The following LTV1 variants were observed in gnomAD, a reference collection of about 807,000 sequenced individuals.
LTV1 encodes the protein LTV1 ribosome biogenesis factor, also known as protein LTV1 homolog.
LTV1 carries 39 observed loss-of-function variants against 59.9 expected under a neutral mutation model. That is an observed-to-expected ratio of 0.65 (90% CI 0.50 to 0.85). The LOEUF (loss-of-function observed/expected upper bound fraction) is 0.85. LTV1 is among the 40% of genes least tolerant of loss of function. The probability of loss-of-function intolerance (pLI) is 0.00; values close to 1 mark genes in which losing one functional copy is unlikely to be tolerated. For missense variants in LTV1, 493 were observed against 549.1 expected (o/e 0.90, Z 1.02); for synonymous variants, 171 against 189.5 (o/e 0.90, Z 0.80).
In LTV1 at chr6:143,862,798, A is replaced by G. The variant is rs1777188573; in HGVS notation, c.1064-46A>G. Reference sequence around the variant, plus strand: ...TAGGAATTCAGTAATGCTTTGTGGAACTGAAAACATGCTTACTGATACATG... The same window carrying G: ...TAGGAATTCAGTAATGCTTTGTGGAGCTGAAAACATGCTTACTGATACATG... On this transcript the variant is annotated intron_variant, in intron 8 of 10. Transcript: ENST00000367576. This position sits in a 1 kb window ranked among gnomAD's most constrained non-coding sequence, Gnocchi z 4.2. 8.4e-7 allele frequency: 1 copy of G among 1,187,930 alleles called. No homozygotes were observed. The highest frequency in any genetic ancestry group is 1.5e-5 in the African/African-American group (1 of 66,428). 73.6% of individuals were successfully genotyped at this position (1,187,930 alleles called of 1,614,324 possible).
At position 143,862,749 on chromosome 6, in the gene LTV1, GAA is replaced by G; in HGVS notation, c.1064-92_1064-91del. 1 of 810,990 alleles carries G rather than the reference GAA, an allele frequency of 1.2e-6. No individual in the cohort carries two copies. The highest frequency in any genetic ancestry group is 1.4e-5 in the South Asian group (1 of 69,178). The allele number at this position is 810,990 out of a possible 1,614,324, so 50.2% of individuals were successfully genotyped here. A position where few individuals can be genotyped will look rare whatever the true frequency, so the allele number is the denominator to read the frequency against. The stretch of plus-strand genomic sequence containing the variant: ...AGACTCCAGTGTTATTTTGCACTAT[GAA>G]AACACAAGGTCAGAAATATAGTAGG... On this transcript the variant is annotated intron_variant, in intron 8 of 10. Coordinates refer to ENST00000367576, the MANE Select transcript of LTV1 (RefSeq NM_032860.5). The surrounding 1 kb of genome is among the most constrained non-coding windows in gnomAD (Gnocchi z 4.2).
At chr6:143,861,150 G>A (rs1282328908) in intron 7 of LTV1, among the ~76,000 whole-genome samples, 1 of 152,116 alleles carries the variant, frequency 6.6e-6, no homozygotes, top group African/African-American at 2.4e-5. Flanking sequence ...GCCTGCCTCG[G>A]TCTCCCAAAG....
intron 7 of LTV1, among the ~76,000 whole-genome samples, chr6:143,861,406 C>T (rs1777162042): frequency 1.3e-5 from 2 of 151,104 alleles, no homozygotes. Flanking sequence ...CTGCTTCCAG[C>T]CTGGGTGACA....
chr6:143,863,661 T>C lies in LTV1; in HGVS notation c.*134T>C. On this transcript the variant is annotated 3_prime_UTR_variant, in exon 11 of 11. Transcript: ENST00000367576. The surrounding 1 kb of genome is among the most constrained non-coding windows in gnomAD (Gnocchi z 4.5). ...GAGGAAAATACAATATTTGTATTAT[T>C]TTTATACTAGTAAGTGTCCCCTGCC... The C allele has an allele frequency of 3.8e-6, 2 of 532,956 alleles. No homozygotes were observed. Among genetic ancestry groups the C allele is most frequent in the Admixed American group, 3.5e-5 (1 of 28,488 alleles). The allele number at this position is 532,956 out of a possible 1,614,324, so 33.0% of individuals were successfully genotyped here. A position where few individuals can be genotyped will look rare whatever the true frequency, so the allele number is the denominator to read the frequency against.
chr6:143,863,207 T>C lies in LTV1; in HGVS notation c.1238T>C (p.Val413Ala), dbSNP rs1178327834. 3 of 1,614,010 alleles carry C rather than the reference T, an allele frequency of 1.9e-6. No homozygotes were observed. Among genetic ancestry groups the C allele is most frequent in the East Asian group, 4.5e-5 (2 of 44,830 alleles). Reference protein sequence around the residue: ...QMINGSDLPKVSTQPRSKNES... With the variant: ...QMINGSDLPKASTQPRSKNES... The stretch of plus-strand genomic sequence containing the variant: ...ATTAATGGCAGTGATCTTCCTAAAG[T>C]ATCAACTCAGCCACGTTCTAAAAAT... The change falls in exon 10 of 11, where the codon GTA (valine) becomes GCA (alanine). Residue 413 changes from valine to alanine, a missense_variant. By Grantham distance (64) the Val-to-Ala change is moderately conservative. Transcript: ENST00000367576. This position sits in a 1 kb window ranked among gnomAD's most constrained non-coding sequence, Gnocchi z 4.5.
intron 4 of LTV1, among the ~76,000 whole-genome samples, chr6:143,856,204 CT>C (rs1383214134): frequency 6.6e-6 from 1 of 152,166 alleles, no homozygotes; most frequent in African/African-American, 2.4e-5. Context: ...CGCTGATGTC[CT>C]TTCTTCCACT....
At chr6:143,859,627 A>AT (rs1777130660) in intron 6 of LTV1, among the ~76,000 whole-genome samples, 2 of 152,182 alleles carry the variant, frequency 1.3e-5, no homozygotes, top group South Asian at 4.1e-4. Flanking sequence ...GGAGAAACAA[A>AT]CTGTTGCTAC....
Position 143,843,444 on chromosome 6 carries a change from C to A in LTV1, c.-34C>A. 1 of 1,612,836 alleles carries A rather than the reference C, an allele frequency of 6.2e-7. No homozygotes were observed. Among genetic ancestry groups the A allele is most frequent in the South Asian group, 1.1e-5 (1 of 91,072 alleles). ...CCGGACTTCGAGGGTGTCATCGCCG[C>A]CCCTGTTGGGGGTGAGCGCCGCGCG... On this transcript the variant is annotated 5_prime_UTR_variant, in exon 1 of 11. Coordinates refer to ENST00000367576, the MANE Select transcript of LTV1 (RefSeq NM_032860.5).
intron 6 of LTV1, among the ~76,000 whole-genome samples, 194 bp from the exon 7 acceptor site, chr6:143,860,232 C>T (rs1391540067): frequency 1.3e-5 from 2 of 152,144 alleles, no homozygotes. Context: ...AAATGTAAGT[C>T]TTAAAGTACT....
At chr6:143,853,133 C>G (rs1025526635) in intron 4 of LTV1, among the ~76,000 whole-genome samples, 1 of 152,152 alleles carries the variant, frequency 6.6e-6, no homozygotes, top group East Asian at 1.9e-4. Flanking sequence ...TGTGTCCCCT[C>G]TGATTTCTTT....
At position 143,843,416 on chromosome 6, in the gene LTV1, C is replaced by T. The variant is rs1776832143; in HGVS notation, c.-62C>T. 1 of 1,609,814 alleles carries T rather than the reference C, an allele frequency of 6.2e-7. No homozygotes were observed. The highest frequency in any genetic ancestry group is 1.3e-5 in the African/African-American group (1 of 75,030). On this transcript the variant is annotated 5_prime_UTR_variant, in exon 1 of 11. Transcript: ENST00000367576. ...GGCCTTCAGCTGGACCTTGGTCTCC[C>T]CGCCGGACTTCGAGGGTGTCATCGC...
At position 143,862,319 on chromosome 6, in the gene LTV1, C is replaced by T. The variant is rs543216536; in HGVS notation, c.1063+76C>T. 7.8e-5 allele frequency: 104 copies of T among 1,326,194 alleles called. No individual in the cohort carries two copies. The highest frequency in any genetic ancestry group is 2.6e-4 in the South Asian group (19 of 73,020). 82.2% of individuals were successfully genotyped at this position (1,326,194 alleles called of 1,614,324 possible). ...ACTTTAGGCTGGGTGCGGTGCCTCA[C>T]GCCTGTAGTAATCCCAGCACTTTGG... On this transcript the variant is annotated intron_variant, in intron 8 of 10. Transcript: ENST00000367576. This position sits in a 1 kb window ranked among gnomAD's most constrained non-coding sequence, Gnocchi z 4.2.
intron 4 of LTV1, among the ~76,000 whole-genome samples, chr6:143,856,153 A>G (rs1297286153): frequency 1.3e-5 from 2 of 151,838 alleles, no homozygotes; most frequent in East Asian, 3.9e-4. Flanking sequence ...TTTTTCTCTA[A>G]TCTTGTCTTC....
In LTV1 at chr6:143,862,180, G is replaced by C; in HGVS notation, c.1000G>C (p.Glu334Gln). ...PMNELDESEE[E>Q]EMITVVLEEA... ...GAATGAGCTTGATGAGTCTGAGGAGGAAGAAATGATTACTGTAGTCCTTGA... is the reference window on the plus strand; with the variant it reads ...GAATGAGCTTGATGAGTCTGAGGAGCAAGAAATGATTACTGTAGTCCTTGA... Residue 334 changes from glutamate to glutamine, a missense_variant, in exon 8 of 11, where the codon GAA (glutamate) becomes CAA (glutamine). Coordinates refer to ENST00000367576, the MANE Select transcript of LTV1 (RefSeq NM_032860.5). This position sits in a 1 kb window ranked among gnomAD's most constrained non-coding sequence, Gnocchi z 4.2. 1 of 1,613,966 alleles carries C rather than the reference G, an allele frequency of 6.2e-7. No individual in the cohort carries two copies. The highest frequency in any genetic ancestry group is 8.5e-7 in the Non-Finnish European group (1 of 1,179,858).
chr6:143,857,536 C>A lies in LTV1; in HGVS notation c.539+92C>A. On this transcript the variant is annotated intron_variant, in intron 5 of 10. Transcript: ENST00000367576. The surrounding 1 kb of genome is among the most constrained non-coding windows in gnomAD (Gnocchi z 5.2). ...CATAGAACGTTACAGTTGGAAGAGA[C>A]CTTCAAGAGCATTTAATCTGAGACT... The A allele has an allele frequency of 8.2e-7, 1 of 1,216,070 alleles. No homozygotes were observed. The highest frequency in any genetic ancestry group is 1.2e-6 in the Non-Finnish European group (1 of 847,890). 75.3% of individuals were successfully genotyped at this position (1,216,070 alleles called of 1,614,324 possible). A position where few individuals can be genotyped will look rare whatever the true frequency, so the allele number is the denominator to read the frequency against.
At chr6:143,859,235 C>G (rs1777125000) in intron 6 of LTV1, among the ~76,000 whole-genome samples, 1 of 152,188 alleles carries the variant, frequency 6.6e-6, no homozygotes, top group South Asian at 2.1e-4. Context: ...CTATTTGGTT[C>G]TGTTGTAACA....
chr6:143,850,668 A>G (rs1776967748), intron 4 of LTV1, among the ~76,000 whole-genome samples: 1 of 152,202 alleles, frequency 6.6e-6, no homozygotes, highest in Non-Finnish European at 1.5e-5. Flanking sequence ...CCAACACTGT[A>G]TTTCAGAACA....
At chr6:143,850,569 C>T (rs184888466) in intron 4 of LTV1, among the ~76,000 whole-genome samples, 56 of 152,254 alleles carry the variant, frequency 3.7e-4, no homozygotes, top group East Asian at 3.7e-3. Flanking sequence ...TTCAGAATTT[C>T]TCCCCAGAGC....
At position 143,857,477 on chromosome 6, in the gene LTV1, G is replaced by T; in HGVS notation, c.539+33G>T. Reference sequence around the variant, plus strand: ...TGGTTTGTTTCAAAGCAGAGATGATGACCTAAGTGTTACTGCTTCAGTGGG... The same window carrying T: ...TGGTTTGTTTCAAAGCAGAGATGATTACCTAAGTGTTACTGCTTCAGTGGG... On this transcript the variant is annotated intron_variant, in intron 5 of 10. Coordinates refer to ENST00000367576, the MANE Select transcript of LTV1 (RefSeq NM_032860.5). The surrounding 1 kb of genome is among the most constrained non-coding windows in gnomAD (Gnocchi z 5.2). The T allele has an allele frequency of 1.3e-6, 2 of 1,571,780 alleles. No individual in the cohort carries two copies. The highest frequency in any genetic ancestry group is 2.2e-5 in the South Asian group (2 of 89,584).
Sources: gnomAD v4.1 joint callset for allele counts (sites outside exome capture counted in the v4.1 genomes callset) on GRCh38, gnomAD v4.1.1 for gene constraint, Gnocchi (gnomAD v3.1) non-coding constraint, MANE v1.5 for transcripts, NCBI Gene and HGNC (gene_info 2026-07-23, HGNC 2026-07-21) for gene names.